CTCF: variants seen among roughly 807,000 people sequenced by gnomAD.
CTCF encodes the protein CCCTC-binding factor.
Under a neutral mutation model 72.3 loss-of-function variants are expected in CTCF, and 7 were observed. The observed-to-expected ratio is 0.10, with a 90% CI of 0.06 to 0.18. The LOEUF is 0.18. Among genes scored for constraint, CTCF ranks in the 10% least tolerant of loss-of-function variants. CTCF has a pLI of 1.00. For synonymous variants in CTCF, 374 were observed against 315.8 expected (o/e 1.18, Z -1.95); for missense variants, 516 against 949.1 (o/e 0.54, Z 6.00).
chr16:67,638,720 CT>C lies in CTCF; in HGVS notation c.*849del, dbSNP rs1475781423. Reference sequence around the variant, plus strand: ...ATTTCCCATCGACATTTTCTTTGCCCTGTTTGTAGCTGATTGTTGTGTTTTA... The same window carrying C: ...ATTTCCCATCGACATTTTCTTTGCCCGTTTGTAGCTGATTGTTGTGTTTTA... On this transcript the variant is annotated 3_prime_UTR_variant, in exon 12 of 12. Transcript: ENST00000264010. The C allele has an allele frequency of 4.4e-6, 1 of 225,678 alleles. No homozygotes were observed. The highest frequency in any genetic ancestry group is 2.2e-5 in the African/African-American group (1 of 44,834). The allele number at this position is 225,678 out of a possible 1,614,324, so 14.0% of individuals were successfully genotyped here. A position where few individuals can be genotyped will look rare whatever the true frequency, so the allele number is the denominator to read the frequency against.
intron 2 of CTCF, among the ~76,000 whole-genome samples, chr16:67,599,592 C>T (rs1437286155): frequency 2.6e-5 from 4 of 152,096 alleles, no homozygotes; most frequent in African/African-American, 7.2e-5. Context: ...ATTGTTCTTC[C>T]TCAGTCTGGA....
intron 4 of CTCF, chr16:67,616,441 C>G (rs2052132868): frequency 3.6e-6 from 1 of 274,084 alleles, no homozygotes; most frequent in African/African-American, 2.2e-5. Flanking sequence ...ACTTTTAATC[C>G]ATAATGACCA....
At chr16:67,626,748 T>C in intron 8 of CTCF, 33 bp downstream of exon 8, 1 of 1,377,970 alleles carries the variant, frequency 7.3e-7, no homozygotes, top group Non-Finnish European at 9.5e-7. Context: ...GTTGGTGCTT[T>C]CTCGGTGTCT....
chr16:67,635,714 C>T lies in CTCF; in HGVS notation c.1838-976C>T, dbSNP rs181954691. On this transcript the variant is annotated intron_variant, in intron 10 of 11. Coordinates refer to ENST00000264010, the MANE Select transcript of CTCF (RefSeq NM_006565.4). The stretch of plus-strand genomic sequence containing the variant: ...ATGTTGGACAGGCTGGTCTCAAACT[C>T]CCAACCTCAGGTGATACACCCACCT... The T allele has an allele frequency of 1.6e-3, 239 of 151,394 alleles. 1 individual carries two copies. The highest frequency in any genetic ancestry group is 6.8e-3 in the Middle Eastern group (2 of 296). The allele number at this position is 151,394 out of a possible 1,614,324, so 9.4% of individuals were successfully genotyped here.
intron 2 of CTCF, among the ~76,000 whole-genome samples, chr16:67,583,636 A>G (rs2051620304): frequency 6.6e-6 from 1 of 151,982 alleles, no homozygotes; most frequent in Non-Finnish European, 1.5e-5. Flanking sequence ...GCCGTGAGCC[A>G]AGATTGCTCC....
chr16:67,580,715 C>G (rs1035707794), intron 2 of CTCF, among the ~76,000 whole-genome samples: 2 of 150,746 alleles, frequency 1.3e-5, no homozygotes, highest in Admixed American at 1.3e-4. Context: ...GCGTGCACCA[C>G]CACACTCGGC....
intron 11 of CTCF, 117 bp downstream of exon 11, chr16:67,636,968 A>G (rs1210076355): frequency 4.2e-6 from 4 of 962,568 alleles, no homozygotes; most frequent in Non-Finnish European, 5.8e-6. Flanking sequence ...AGTTAAGGGC[A>G]TGTCGAGAAC....
intron 2 of CTCF, among the ~76,000 whole-genome samples, chr16:67,586,551 A>T (rs951122820): frequency 1.3e-5 from 2 of 150,828 alleles, no homozygotes; most frequent in Admixed American, 6.6e-5. Flanking sequence ...AAAAAAAAAA[A>T]TTTCCTGGGC....
chr16:67,576,552 T>TG (rs1183152840), intron 2 of CTCF, among the ~76,000 whole-genome samples: 3 of 132,482 alleles, frequency 2.3e-5, no homozygotes, highest in African/African-American at 8.4e-5. Flanking sequence ...AATAGAATGT[T>TG]TTTTTTTTTT....
intron 2 of CTCF, among the ~76,000 whole-genome samples, chr16:67,607,454 C>A (rs754891151): frequency 6.6e-6 from 1 of 151,662 alleles, no homozygotes; most frequent in Non-Finnish European, 1.5e-5. Flanking sequence ...TACAGGTGCA[C>A]ACCACTACGC....
chr16:67,570,843 G>T (rs1038126247), intron 1 of CTCF: 2 of 151,072 alleles, frequency 1.3e-5, no homozygotes, highest in African/African-American at 4.9e-5. Flanking sequence ...ACTCCTGGGT[G>T]AGTCTCCCAC....
chr16:67,604,552 A>T (rs2051943774), intron 2 of CTCF, among the ~76,000 whole-genome samples: 1 of 152,104 alleles, frequency 6.6e-6, no homozygotes. Context: ...CATGTTAGCC[A>T]GGATGGTCTG....
chr16:67,630,380 C>G (rs1371449343), intron 10 of CTCF, among the ~76,000 whole-genome samples: 1 of 152,096 alleles, frequency 6.6e-6, no homozygotes, highest in Non-Finnish European at 1.5e-5. Context: ...AAAATCTTGC[C>G]TATTTTCCTA....
chr16:67,620,173 C>G (rs903953024), intron 5 of CTCF, among the ~76,000 whole-genome samples: 2 of 152,140 alleles, frequency 1.3e-5, no homozygotes, highest in African/African-American at 4.8e-5. Context: ...CCTCATGTGC[C>G]TACCACCCAG....
At chr16:67,602,573 G>A (rs2051907986) in intron 2 of CTCF, among the ~76,000 whole-genome samples, 2 of 152,082 alleles carry the variant, frequency 1.3e-5, no homozygotes, top group Non-Finnish European at 1.5e-5. Context: ...TGGGCACGGT[G>A]GTTCATGTCT....
intron 7 of CTCF, among the ~76,000 whole-genome samples, chr16:67,624,212 C>A (rs1008368307): frequency 6.6e-6 from 1 of 151,140 alleles, no homozygotes; most frequent in Non-Finnish European, 1.5e-5. Context: ...TATGTCTTCA[C>A]CCTCTAGGTT....
rs544734572 is a variant in CTCF at position 67,573,007 on chromosome 16, C to T, written c.-10+1743C>T. On this transcript the variant is annotated intron_variant, in intron 2 of 11. Coordinates refer to ENST00000264010, the MANE Select transcript of CTCF (RefSeq NM_006565.4). Reference sequence around the variant, plus strand: ...GTGGCTCACGCCTGTAATCCCAGAACTTTGGGAGGCTGAGGTGGGCGGATC... The same window carrying T: ...GTGGCTCACGCCTGTAATCCCAGAATTTTGGGAGGCTGAGGTGGGCGGATC... 4.7e-4 allele frequency among the ~76,000 whole-genome samples: 60 copies of T among 126,334 alleles called. 1 individual carries two copies. The highest frequency in any genetic ancestry group is 8.5e-4 in the Non-Finnish European group (54 of 63,762). The allele number at this position is 126,334 out of a possible 152,430, so 82.9% of individuals were successfully genotyped here.
At chr16:67,585,761 T>C (rs1040232430) in intron 2 of CTCF, among the ~76,000 whole-genome samples, 4 of 152,210 alleles carry the variant, frequency 2.6e-5, no homozygotes, top group African/African-American at 7.2e-5. Flanking sequence ...ACAGAAGATA[T>C]CCTAATTCTT....
At chr16:67,565,224 A>G (rs1459441178) in intron 1 of CTCF, among the ~76,000 whole-genome samples, 2 of 151,428 alleles carry the variant, frequency 1.3e-5, no homozygotes, top group African/African-American at 2.4e-5. Flanking sequence ...CTGGTCTCGA[A>G]CTCCTGACCT....
Sources: gnomAD v4.1 joint callset for allele counts (sites outside exome capture counted in the v4.1 genomes callset) on GRCh38, gnomAD v4.1.1 for gene constraint, MANE v1.5 for transcripts, NCBI Gene and HGNC (gene_info 2026-07-23, HGNC 2026-07-21) for gene names.